Variants in EYS observed in about 807,000 individuals in gnomAD.
EYS encodes the protein EGF-like photoreceptor maintenance factor, also known as protein eyes shut homolog.
Under a neutral mutation model 282.1 loss-of-function variants are expected in EYS, and 250 were observed. That is an observed-to-expected ratio of 0.89 (90% confidence interval 0.80 to 0.98). The LOEUF is 0.98. EYS is among the 50% of genes least tolerant of loss of function. The pLI, the probability that EYS is intolerant of heterozygous loss-of-function variation, is 0.00. For missense variants in EYS, 4,016 were observed against 3,709.0 expected, an observed-to-expected ratio of 1.08 and a Z score of -2.15; for synonymous variants, 1,355 against 1,282.9, an observed-to-expected ratio of 1.06 and a Z score of -1.20.
intron 14 of EYS, among the ~76,000 whole-genome samples, chr6:64,972,476 T>C (rs1397830609): frequency 6.6e-6 from 1 of 152,024 alleles, no homozygotes; most frequent in African/African-American, 2.4e-5. Flanking sequence ...GCAAAGCCAA[T>C]CCCTCCTGTT....
At chr6:65,683,814 C>G (rs1193194412) in intron 1 of EYS, among the ~76,000 whole-genome samples, 2 of 151,952 alleles carry the variant, frequency 1.3e-5, no homozygotes, top group Non-Finnish European at 2.9e-5. Flanking sequence ...GAATGGCAGG[C>G]AACATTTCCA....
intron 12 of EYS, among the ~76,000 whole-genome samples, chr6:65,231,440 T>C (rs1233281965): frequency 2.0e-5 from 3 of 151,608 alleles, no homozygotes; most frequent in Non-Finnish European, 4.4e-5. Context: ...GGTGTTTTAT[T>C]AAAAGAGAGG....
intron 35 of EYS, among the ~76,000 whole-genome samples, chr6:63,935,816 A>C (rs1765041787): frequency 6.6e-6 from 1 of 152,210 alleles, no homozygotes; most frequent in South Asian, 2.1e-4. Context: ...ATACAATCCT[A>C]ATAAGAATCC....
chr6:65,623,344 C>T (rs1308729328), intron 2 of EYS, among the ~76,000 whole-genome samples: 1 of 152,004 alleles, frequency 6.6e-6, no homozygotes, highest in Non-Finnish European at 1.5e-5. Flanking sequence ...AAATCATTTG[C>T]CTTAATTTTT....
rs186990500 is a variant in EYS, at chr6:64,643,927, G to A, written c.3444-17682C>T. Among the ~76,000 whole-genome samples the A allele has an allele frequency of 4.7e-4, 71 of 152,274 alleles. 1 individual carries two copies. The East Asian group carries it at 7.4e-3, about 16-fold the overall frequency. ...TCTTGGGTAGGTCTTTATCAGCAGC[G>A]TGAGAGTGGACTAACACATTCTGTA... On this transcript the variant is annotated intron_variant, in intron 22 of 42. Transcript: ENST00000503581.
chr6:64,243,505 T>C (rs1766906424), intron 30 of EYS, among the ~76,000 whole-genome samples: 1 of 152,182 alleles, frequency 6.6e-6, no homozygotes, highest in South Asian at 2.1e-4. Flanking sequence ...CACACTCAAA[T>C]ATTCAAATAC....
chr6:65,219,836 G>C (rs1021738099), intron 12 of EYS, among the ~76,000 whole-genome samples: 1 of 152,064 alleles, frequency 6.6e-6, no homozygotes, highest in Admixed American at 6.6e-5. Context: ...TGAGAACCAA[G>C]AGAAAGAGGA....
Position 65,237,492 on chromosome 6 carries a change from G to T in EYS, c.2023+58371C>A, listed in dbSNP as rs143300155. ...GGGATTTGTGCCATTTAGGCAAAAG[G>T]GGATTAAAGAAGTGACAGTAGGAAA... On this transcript the variant is annotated intron_variant, in intron 12 of 42. Transcript: ENST00000503581. Among the ~76,000 whole-genome samples the T allele has an allele frequency of 3.3e-5, 5 of 152,216 alleles. No individual in the cohort carries two copies. In the East Asian group the frequency reaches 9.7e-4, roughly 29 times the overall value.
chr6:65,170,471 A>G (rs1765080050), intron 12 of EYS, among the ~76,000 whole-genome samples: 1 of 151,512 alleles, frequency 6.6e-6, no homozygotes, highest in Non-Finnish European at 1.5e-5. Context: ...AGCTCTGTTG[A>G]CATCCTATGA....
intron 22 of EYS, among the ~76,000 whole-genome samples, chr6:64,757,940 G>GT (rs912660124): frequency 5.1e-4 from 78 of 151,556 alleles, no homozygotes; most frequent in African/African-American, 1.8e-3. Context: ...GCCCGCCTAA[G>GT]TTTTTTTGTA....
chr6:65,386,411 T>C (rs1383078190), intron 7 of EYS, among the ~76,000 whole-genome samples: 2 of 151,460 alleles, frequency 1.3e-5, no homozygotes, highest in Non-Finnish European at 3.0e-5. Context: ...TTAAAGTTTT[T>C]TTTTTCAAAA....
intron 26 of EYS, among the ~76,000 whole-genome samples, chr6:64,495,916 T>C (rs986451888): frequency 6.6e-6 from 1 of 151,914 alleles, no homozygotes; most frequent in Non-Finnish European, 1.5e-5. Flanking sequence ...CTTCAATCAT[T>C]GTTTTGAAAA....
At chr6:64,629,927 T>C (rs1242253672) in intron 22 of EYS, among the ~76,000 whole-genome samples, 1 of 152,156 alleles carries the variant, frequency 6.6e-6, no homozygotes, top group Non-Finnish European at 1.5e-5. Context: ...GGACTTCTAG[T>C]AGGATATTAA....
chr6:64,381,036 G>A (rs868164301), intron 29 of EYS, among the ~76,000 whole-genome samples: 96 of 147,266 alleles, frequency 6.5e-4, no homozygotes, highest in African/African-American at 2.1e-3. Context: ...AAAAAAAAAA[G>A]ATTACAACAC....
intron 1 of EYS, among the ~76,000 whole-genome samples, chr6:65,691,049 G>T (rs1769224407): frequency 6.7e-6 from 1 of 150,146 alleles, no homozygotes; most frequent in African/African-American, 2.4e-5. Flanking sequence ...ACATACATGT[G>T]CATGTGTCTT....
At chr6:64,218,250 T>C (rs540529680) in intron 31 of EYS, among the ~76,000 whole-genome samples, 75 of 152,300 alleles carry the variant, frequency 4.9e-4, no homozygotes, top group African/African-American at 1.8e-3. Context: ...AAGACAGGCC[T>C]CTGACCTCCC....
chr6:63,907,987 T>TAC lies in EYS; in HGVS notation c.7056-43631_7056-43630dup, dbSNP rs60426309. Reference sequence around the variant, plus strand: ...CTGAATAGTATTGACTGTATATATGTACACACACACACACACACACAAACG... The same window carrying TAC: ...CTGAATAGTATTGACTGTATATATGTACACACACACACACACACACACAAACG... On this transcript the variant is annotated intron_variant, in intron 35 of 42. Coordinates refer to ENST00000503581, the MANE Select transcript of EYS (RefSeq NM_001142800.2). Among the ~76,000 whole-genome samples, 680 of 105,900 alleles carry TAC rather than the reference T, an allele frequency of 6.4e-3. 8 individuals are homozygous for TAC. Among genetic ancestry groups the TAC allele is most frequent in the East Asian group, 0.018 (60 of 3,340 alleles). 69.5% of individuals were successfully genotyped at this position (105,900 alleles called of 152,430 possible).
At chr6:65,556,516 A>G (rs974979859) in intron 2 of EYS, among the ~76,000 whole-genome samples, 3 of 152,128 alleles carry the variant, frequency 2.0e-5, no homozygotes, top group African/African-American at 7.2e-5. Context: ...TAAGAGAGAT[A>G]TCATTCCTAT....
At chr6:63,861,196 C>T (rs1772522387) in intron 36 of EYS, among the ~76,000 whole-genome samples, 2 of 143,026 alleles carry the variant, frequency 1.4e-5, no homozygotes, top group African/African-American at 2.6e-5. Flanking sequence ...AGCTGTTATG[C>T]CTCTATTCTT....
Sources: gnomAD v4.1 joint callset for allele counts (sites outside exome capture counted in the v4.1 genomes callset) on GRCh38, gnomAD v4.1.1 for gene constraint, MANE v1.5 for transcripts, NCBI Gene and HGNC (gene_info 2026-07-23, HGNC 2026-07-21) for gene names.